Variants in MORC3 observed in about 807,000 individuals in gnomAD.
MORC3 encodes the protein MORC family CW-type zinc finger 3.
MORC3 carries 31 observed loss-of-function variants against 109.1 expected under a neutral mutation model. The ratio of observed to expected loss-of-function variants is 0.28; its 90% CI spans 0.21 to 0.38. The LOEUF is 0.38. Ranked by LOEUF, MORC3 falls within the 10% of genes least tolerant of loss-of-function variation. The probability of loss-of-function intolerance (pLI) is 1.00; values close to 1 mark genes in which losing one functional copy is unlikely to be tolerated. For missense variants in MORC3, 867 were observed against 1,135.8 expected (o/e 0.76, Z 3.40); for synonymous variants, 395 against 380.7 (o/e 1.04, Z -0.44).
intron 1 of MORC3, among the ~76,000 whole-genome samples, chr21:36,322,706 G>T (rs1322268690): frequency 1.3e-5 from 2 of 152,138 alleles, no homozygotes; most frequent in African/African-American, 4.8e-5. Flanking sequence ...CATTTAGGAG[G>T]TCGGAGATCC....
chr21:36,360,512 G>T, intron 12 of MORC3: 1 of 483,482 alleles, frequency 2.1e-6, no homozygotes. Flanking sequence ...GCTGTATGCA[G>T]AGGAATCATT....
At chr21:36,360,748 TGA>T (rs2085704071) in intron 12 of MORC3, 1 of 168,656 alleles carries the variant, frequency 5.9e-6, no homozygotes, top group Non-Finnish European at 1.3e-5. Context: ...ATGGGTACGA[TGA>T]GAATGTACAG....
Position 36,325,586 on chromosome 21 carries a change from C to T in MORC3, c.39+5283C>T, listed in dbSNP as rs776439139. 1.3e-3 allele frequency among the ~76,000 whole-genome samples: 197 copies of T among 152,224 alleles called. 1 individual carries two copies. The highest frequency in any genetic ancestry group is 1.2e-3 in the Non-Finnish European group (83 of 68,000). On this transcript the variant is annotated intron_variant, in intron 1 of 16. Coordinates refer to ENST00000400485, the MANE Select transcript of MORC3 (RefSeq NM_015358.3). Reference sequence around the variant, plus strand: ...ACTCTTCTTGTTGGGAAACTAAAACCCTGTTCCCGTTAAATAGTAACTTCT... The same window carrying T: ...ACTCTTCTTGTTGGGAAACTAAAACTCTGTTCCCGTTAAATAGTAACTTCT...
At position 36,341,477 on chromosome 21, in the gene MORC3, A is replaced by G. The variant is rs780783973; in HGVS notation, c.687A>G (p.Thr229=). The G allele has an allele frequency of 3.1e-6, 5 of 1,613,946 alleles. No homozygotes were observed. Among genetic ancestry groups the G allele is most frequent in the Non-Finnish European group, 4.2e-6 (5 of 1,180,002 alleles). ...IRIPEDLDEI[T]GKKGYKKQER... is the part of the protein sequence containing the mutation. ...TTCCCGAGGATTTAGATGAGATAAC[A>G]GGGAAGAAGGGGTACAAGAAGCAGG... The change falls in exon 6 of 17, where the codon ACA becomes ACG. Residue 229 remains threonine (T), a synonymous_variant. Coordinates refer to ENST00000400485, the MANE Select transcript of MORC3 (RefSeq NM_015358.3).
intron 9 of MORC3, among the ~76,000 whole-genome samples, chr21:36,352,123 A>G (rs1218644185): frequency 6.6e-6 from 1 of 152,252 alleles, no homozygotes; most frequent in Non-Finnish European, 1.5e-5. Context: ...AGAAATGAGT[A>G]TAGTTCATCA....
At chr21:36,351,699 A>T (rs1422618410) in intron 9 of MORC3, among the ~76,000 whole-genome samples, 1 of 152,194 alleles carries the variant, frequency 6.6e-6, no homozygotes, top group Non-Finnish European at 1.5e-5. Context: ...GCTGACAAGG[A>T]TGTGGAGAAA....
At chr21:36,326,291 A>G (rs929803319) in intron 1 of MORC3, among the ~76,000 whole-genome samples, 1 of 152,100 alleles carries the variant, frequency 6.6e-6, no homozygotes, top group Non-Finnish European at 1.5e-5. Flanking sequence ...TGGGAGGCTA[A>G]GGCGGGCAGA....
In MORC3 at chr21:36,369,403, C is replaced by T. The variant is rs2146340659; in HGVS notation, c.2035C>T (p.His679Tyr). The part of the protein sequence containing the change: ...PSCVEAEAKI[H>Y]ETQETTDKSA... ...CTGTGTAGAAGCTGAAGCAAAGATA[C>T]ATGAAACCCAGGAAACCACCGATAA... is the stretch of plus-strand genomic sequence containing the variant. Residue 679 changes from histidine to tyrosine, a missense_variant, in exon 15 of 17, where the codon CAT becomes TAT. Coordinates refer to ENST00000400485, the MANE Select transcript of MORC3 (RefSeq NM_015358.3). 1 of 1,614,080 alleles carries T rather than the reference C, an allele frequency of 6.2e-7. No homozygotes were observed. The highest frequency in any genetic ancestry group is 8.5e-7 in the Non-Finnish European group (1 of 1,180,020).
intron 1 of MORC3, among the ~76,000 whole-genome samples, chr21:36,329,355 C>T (rs2085287144): frequency 6.6e-6 from 1 of 151,892 alleles, no homozygotes; most frequent in Non-Finnish European, 1.5e-5. Context: ...CAAAGCTGTC[C>T]TGGGCCACAT....
chr21:36,355,475 G>A (rs535052211), intron 9 of MORC3, among the ~76,000 whole-genome samples: 1 of 152,068 alleles, frequency 6.6e-6, no homozygotes, highest in African/African-American at 2.4e-5. Flanking sequence ...AAGGCTTAAG[G>A]GTTAGCATCT....
In MORC3 at chr21:36,367,882, G is replaced by A. The variant is rs550705008; in HGVS notation, c.1620-1106G>A. On this transcript the variant is annotated intron_variant, in intron 14 of 16. Transcript: ENST00000400485. Reference sequence around the variant, plus strand: ...TTCTGAGAAAATAATTTTTCAACCCGGAAGCCTATATAACAGTTAAGCTAG... The same window carrying A: ...TTCTGAGAAAATAATTTTTCAACCCAGAAGCCTATATAACAGTTAAGCTAG... Among the ~76,000 whole-genome samples the A allele has an allele frequency of 1.6e-4, 25 of 152,270 alleles. No individual in the cohort carries two copies. The South Asian group carries it at 2.1e-3, about 13-fold the overall frequency.
In MORC3 at chr21:36,368,980, T is replaced by G. The variant is rs777282452; in HGVS notation, c.1620-8T>G. On this transcript the variant is annotated splice_region_variant and splice_polypyrimidine_tract_variant and intron_variant, in intron 14 of 16. Transcript: ENST00000400485. ...AATCTTATGTTTTATGTATAAAATT[T>G]TTTTCAGCTTGAAACGGAGACTTTC... 6.3e-7 allele frequency: 1 copy of G among 1,582,102 alleles called. No homozygotes were observed. Among genetic ancestry groups the G allele is most frequent in the Admixed American group, 1.9e-5 (1 of 53,794 alleles).
chr21:36,323,953 G>A (rs1480358970), intron 1 of MORC3, among the ~76,000 whole-genome samples: 1 of 151,356 alleles, frequency 6.6e-6, no homozygotes, highest in Non-Finnish European at 1.5e-5. Context: ...TCGGCTCACC[G>A]CAACCCCTGC....
chr21:36,375,392 C>A lies in MORC3; in HGVS notation c.*96C>A. ...TTTGTTTTATAGATATGATAGGCAA[C>A]AGACTGAAAACCATAATCTTTACTG... On this transcript the variant is annotated 3_prime_UTR_variant, in exon 17 of 17. Transcript: ENST00000400485. 1 of 1,130,976 alleles carries A rather than the reference C, an allele frequency of 8.8e-7. No individual in the cohort carries two copies. Among genetic ancestry groups the A allele is most frequent in the Non-Finnish European group, 1.2e-6 (1 of 812,616 alleles). The allele number at this position is 1,130,976 out of a possible 1,614,324, so 70.1% of individuals were successfully genotyped here.
At chr21:36,351,223 A>G (rs1179986479) in intron 9 of MORC3, among the ~76,000 whole-genome samples, 1 of 151,802 alleles carries the variant, frequency 6.6e-6, no homozygotes, top group East Asian at 1.9e-4. Flanking sequence ...ATGCACCACC[A>G]TGCCCAGCTA....
chr21:36,326,725 G>T (rs2085251460), intron 1 of MORC3, among the ~76,000 whole-genome samples: 1 of 151,716 alleles, frequency 6.6e-6, no homozygotes, highest in South Asian at 2.1e-4. Flanking sequence ...TGTCTTCACG[G>T]TTCATCCATG....
At chr21:36,362,709 G>C (rs916042646) in intron 13 of MORC3, among the ~76,000 whole-genome samples, 6 of 151,968 alleles carry the variant, frequency 3.9e-5, no homozygotes, top group African/African-American at 1.4e-4. Flanking sequence ...GTCTTATATT[G>C]TGTAGTGCTT....
In MORC3 at chr21:36,336,860, C is replaced by T. The variant is rs1657915169; in HGVS notation, c.113-14C>T. On this transcript the variant is annotated splice_polypyrimidine_tract_variant and intron_variant, in intron 2 of 16. Transcript: ENST00000400485. Reference sequence around the variant, plus strand: ...AGTGTAAAATCAGAATTTCTTCAAACTTGTGTTTCCCAGATAATGCTTATG... The same window carrying T: ...AGTGTAAAATCAGAATTTCTTCAAATTTGTGTTTCCCAGATAATGCTTATG... The T allele has an allele frequency of 6.3e-7, 1 of 1,589,106 alleles. No individual in the cohort carries two copies. Among genetic ancestry groups the T allele is most frequent in the Non-Finnish European group, 8.6e-7 (1 of 1,167,860 alleles).
intron 2 of MORC3, among the ~76,000 whole-genome samples, chr21:36,335,870 A>G (rs1219424430): frequency 2.0e-5 from 3 of 152,140 alleles, no homozygotes; most frequent in African/African-American, 4.8e-5. Context: ...TGTACCTTCC[A>G]TTGACACTCA....
Sources: gnomAD v4.1 joint callset for allele counts (sites outside exome capture counted in the v4.1 genomes callset) on GRCh38, gnomAD v4.1.1 for gene constraint, MANE v1.5 for transcripts, NCBI Gene and HGNC (gene_info 2026-07-23, HGNC 2026-07-21) for gene names.